TMC1: variants seen among roughly 807,000 people sequenced by gnomAD.
TMC1 encodes transmembrane channel like 1.
TMC1 carries 84 observed loss-of-function variants against 105.8 expected under a neutral mutation model. That is an observed-to-expected ratio of 0.79 (90% CI 0.67 to 0.95). The LOEUF (loss-of-function observed/expected upper bound fraction) is 0.95. Among genes scored for constraint, TMC1 ranks in the 40% least tolerant of loss-of-function variants. The pLI is 0.00. For missense variants in TMC1, 817 were observed against 914.1 expected, an observed-to-expected ratio of 0.89 and a Z score of 1.37; for synonymous variants, 315 against 311.5, an observed-to-expected ratio of 1.01 and a Z score of -0.12.
intron 4 of TMC1, among the ~76,000 whole-genome samples, chr9:72,642,335 C>T (rs562550515): frequency 2.0e-5 from 3 of 152,204 alleles, no homozygotes; most frequent in African/African-American, 7.2e-5. Flanking sequence ...TGTCATCACA[C>T]ACTTCCTGTT....
At chr9:72,560,975 C>G (rs1587957950) in intron 1 of TMC1, among the ~76,000 whole-genome samples, 1 of 152,050 alleles carries the variant, frequency 6.6e-6, no homozygotes, top group Non-Finnish European at 1.5e-5. Context: ...ATTTCCCATT[C>G]TATACAACAC....
At chr9:72,590,607 A>G (rs984325360) in intron 2 of TMC1, among the ~76,000 whole-genome samples, 4 of 152,212 alleles carry the variant, frequency 2.6e-5, no homozygotes, top group Non-Finnish European at 5.9e-5. Flanking sequence ...TTGTTCATTC[A>G]TTCAACACAT....
At chr9:72,805,543 T>C in intron 18 of TMC1, 33 bp downstream of exon 18, 1 of 1,562,404 alleles carries the variant, frequency 6.4e-7, no homozygotes, top group Non-Finnish European at 8.7e-7. Flanking sequence ...TTTTTTTTTT[T>C]TTTAAATTTA....
At chr9:72,627,861 T>C in intron 3 of TMC1, 60 bp from the exon 4 acceptor site, 1 of 357,774 alleles carries the variant, frequency 2.8e-6, no homozygotes, top group Non-Finnish European at 5.5e-6. Flanking sequence ...GATATGAAAG[T>C]TGAAAAGGTA....
At chr9:72,800,418 A>T (rs1160071647) in intron 17 of TMC1, among the ~76,000 whole-genome samples, 3 of 152,212 alleles carry the variant, frequency 2.0e-5, no homozygotes, top group Non-Finnish European at 4.4e-5. Context: ...AAAAACATCT[A>T]CTGAATGGGA....
intron 17 of TMC1, among the ~76,000 whole-genome samples, chr9:72,798,948 ATTTG>A (rs1422067382): frequency 1.3e-5 from 2 of 152,080 alleles, no homozygotes; most frequent in African/African-American, 2.4e-5. Context: ...ATTTTAAGTT[ATTTG>A]TTTTCATGAT....
intron 17 of TMC1, among the ~76,000 whole-genome samples, chr9:72,793,734 G>A (rs1477742881): frequency 2.0e-5 from 3 of 152,160 alleles, no homozygotes; most frequent in African/African-American, 7.2e-5. Flanking sequence ...GGTGACCAGG[G>A]ACGGATGTGG....
At chr9:72,611,284 A>G (rs1369023702) in intron 2 of TMC1, among the ~76,000 whole-genome samples, 1 of 152,226 alleles carries the variant, frequency 6.6e-6, no homozygotes, top group Non-Finnish European at 1.5e-5. Flanking sequence ...TTGGTCAAAG[A>G]ACTATAAGAA....
At chr9:72,689,814 T>C (rs1026885898) in intron 6 of TMC1, among the ~76,000 whole-genome samples, 3 of 152,172 alleles carry the variant, frequency 2.0e-5, no homozygotes, top group Non-Finnish European at 1.5e-5. Flanking sequence ...TTCCTTCACT[T>C]TCACCCTATG....
intron 12 of TMC1, among the ~76,000 whole-genome samples, chr9:72,771,502 A>G (rs772211116): frequency 1.1e-4 from 16 of 152,280 alleles, no homozygotes; most frequent in Admixed American, 3.3e-4. Flanking sequence ...AAGGCAACCA[A>G]TTGGGTTTTC....
intron 20 of TMC1, 52 bp from the exon 21 acceptor site, chr9:72,826,817 G>T (rs1193941630): frequency 6.2e-7 from 1 of 1,600,864 alleles, no homozygotes; most frequent in African/African-American, 1.3e-5. Context: ...TTTAACCATG[G>T]TTTTTCCATA....
chr9:72,650,892 A>ATATATATATATATATC (rs1825799322), intron 5 of TMC1, among the ~76,000 whole-genome samples: 1 of 138,804 alleles, frequency 7.2e-6, no homozygotes, highest in African/African-American at 2.7e-5. Context: ...AGATATATAG[A>ATATATATATATATATC]TATATATATA....
At chr9:72,788,178 AT>A (rs1448324330) in intron 13 of TMC1, among the ~76,000 whole-genome samples, 160 bp from the exon 14 acceptor site, 1 of 152,220 alleles carries the variant, frequency 6.6e-6, no homozygotes, top group Non-Finnish European at 1.5e-5. Flanking sequence ...CAAAAATAAA[AT>A]TTAAAAAGAA....
At chr9:72,716,261 C>G (rs945195259) in intron 8 of TMC1, among the ~76,000 whole-genome samples, 6 of 152,238 alleles carry the variant, frequency 3.9e-5, no homozygotes, top group African/African-American at 1.4e-4. Flanking sequence ...TGAGGAGTCA[C>G]TGTGTCCCTT....
intron 1 of TMC1, among the ~76,000 whole-genome samples, chr9:72,564,111 C>T (rs1824106116): frequency 1.3e-5 from 2 of 152,024 alleles, no homozygotes; most frequent in African/African-American, 4.8e-5. Flanking sequence ...ACACACCAAT[C>T]CTTTACTTTG....
intron 2 of TMC1, 184 bp from the exon 3 acceptor site, chr9:72,616,184 G>A (rs1825125111): frequency 6.6e-6 from 1 of 152,160 alleles, no homozygotes; most frequent in South Asian, 2.1e-4. Flanking sequence ...TAACTGTAAA[G>A]GCCCTAGCAA....
At position 72,700,713 on chromosome 9, in the gene TMC1, C is replaced by CAT. The variant is rs72200654; in HGVS notation, c.362+100_362+101dup. On this transcript the variant is annotated intron_variant, in intron 8 of 23. Coordinates refer to ENST00000297784, the MANE Select transcript of TMC1 (RefSeq NM_138691.3). ...GATTTTCTAAATCCTCTGAATATTC[C>CAT]ATATATATATATATATATATATATA... 0.018 allele frequency: 5,785 copies of CAT among 319,878 alleles called. 123 individuals carry two copies. The highest frequency in any genetic ancestry group is 0.023 in the Non-Finnish European group (3,861 of 164,848). The allele number at this position is 319,878 out of a possible 1,614,324, so 19.8% of individuals were successfully genotyped here. A position where few individuals can be genotyped will look rare whatever the true frequency, so the allele number is the denominator to read the frequency against.
intron 1 of TMC1, among the ~76,000 whole-genome samples, chr9:72,525,030 T>C (rs1029598843): frequency 6.6e-6 from 1 of 152,190 alleles, no homozygotes; most frequent in Non-Finnish European, 1.5e-5. Flanking sequence ...GATAGAAAGA[T>C]ACGGTCCAGA....
chr9:72,770,146 G>A (rs1827901690), intron 12 of TMC1, among the ~76,000 whole-genome samples: 1 of 152,012 alleles, frequency 6.6e-6, no homozygotes, highest in Non-Finnish European at 1.5e-5. Context: ...TTAGACATGA[G>A]ATTAGCTCAC....
Sources: allele counts gnomAD v4.1 joint callset (sites outside exome capture counted in the v4.1 genomes callset), GRCh38; gene constraint gnomAD v4.1.1; transcripts MANE v1.5; gene names NCBI Gene and HGNC (gene_info 2026-07-23, HGNC 2026-07-21).